Variants in PCDH7 observed in about 807,000 individuals in gnomAD.
PCDH7 encodes the protein protocadherin-7.
A neutral mutation model predicts 58.9 loss-of-function variants in PCDH7; 17 were observed. That is an observed-to-expected ratio of 0.29 (90% confidence interval 0.20 to 0.43). The LOEUF is 0.43. Among genes scored for constraint, PCDH7 ranks in the 20% least tolerant of loss-of-function variants. The pLI is 1.00. For synonymous variants in PCDH7, 664 were observed against 616.4 expected (o/e 1.08, Z -1.14); for missense variants, 1,274 against 1,441.0 (o/e 0.88, Z 1.88).
chr4:30,830,284 T>C (rs1729605004), intron 1 of PCDH7, among the ~76,000 whole-genome samples: 1 of 152,074 alleles, frequency 6.6e-6, no homozygotes, highest in Admixed American at 6.6e-5. Context: ...CCAAAGTTAG[T>C]TTAAAAAAAG....
chr4:30,911,738 T>G (rs1741807650), intron 1 of PCDH7, among the ~76,000 whole-genome samples: 2 of 152,186 alleles, frequency 1.3e-5, no homozygotes. Context: ...GCTAGAGTAG[T>G]TCTTGCATTA....
chr4:31,054,917 C>T (rs1321796075), intron 3 of PCDH7, among the ~76,000 whole-genome samples: 1 of 152,096 alleles, frequency 6.6e-6, no homozygotes, highest in Non-Finnish European at 1.5e-5. Context: ...ATCTATCAAC[C>T]TGCCATAATT....
rs926163893 is a variant in PCDH7, at chr4:30,840,148, A to T, written c.71-80005A>T. ...TATTGGTATGCATTTCTTTTCAGTT[A>T]TTTTTTTTTTAATCTAATGTCCTTA... On this transcript the variant is annotated intron_variant, in intron 1 of 3. Transcript: ENST00000509759. Among the ~76,000 whole-genome samples the T allele has an allele frequency of 6.1e-5, 9 of 148,682 alleles. No homozygotes were observed. The South Asian group carries it at 1.5e-3, about 25-fold the overall frequency.
At chr4:30,801,774 G>A (rs1445751788) in intron 1 of PCDH7, among the ~76,000 whole-genome samples, 3 of 152,242 alleles carry the variant, frequency 2.0e-5, no homozygotes, top group Admixed American at 6.5e-5. Flanking sequence ...AGCTCCAGAG[G>A]GTAGAAGTAA....
At chr4:30,734,515 T>G (rs1177839724), downstream of PCDH7, among the ~76,000 whole-genome samples, 1 of 152,200 alleles carries the variant, frequency 6.6e-6, no homozygotes, top group African/African-American at 2.4e-5. Flanking sequence ...ATTACAGGCT[T>G]GTGCCACTGC....
intron 1 of PCDH7, among the ~76,000 whole-genome samples, chr4:30,747,184 C>A (rs777914678): frequency 6.6e-6 from 1 of 152,156 alleles, no homozygotes; most frequent in Non-Finnish European, 1.5e-5. Context: ...TAATACTGAA[C>A]TGGATCTAAG....
intron 3 of PCDH7, 41 bp from the exon 3 acceptor site, chr4:31,142,432 G>T: frequency 7.5e-7 from 1 of 1,332,196 alleles, no homozygotes; most frequent in South Asian, 1.2e-5. Context: ...AGCCTGTTGA[G>T]GAGTGTCAAA....
intron 2 of PCDH7, among the ~76,000 whole-genome samples, chr4:30,934,647 T>C (rs367852271): frequency 1.3e-5 from 2 of 152,144 alleles, no homozygotes; most frequent in African/African-American, 2.4e-5. Context: ...CTTTTGGAGA[T>C]TAAATAATTC....
At chr4:30,733,513 G>T (rs150592751), downstream of PCDH7, among the ~76,000 whole-genome samples, 2 of 152,030 alleles carry the variant, frequency 1.3e-5, no homozygotes, top group East Asian at 3.9e-4. Flanking sequence ...GGTTGGATTC[G>T]AACCCCTGAC....
At chr4:31,081,243 G>A (rs1170172755) in intron 3 of PCDH7, among the ~76,000 whole-genome samples, 6 of 152,104 alleles carry the variant, frequency 3.9e-5, no homozygotes, top group Non-Finnish European at 8.8e-5. Context: ...ATTTTATTTG[G>A]TTATGTTTTC....
intron 3 of PCDH7, 62 bp from the exon 3 acceptor site, chr4:31,142,411 T>A (rs1352038201): frequency 8.0e-7 from 1 of 1,252,934 alleles, no homozygotes; most frequent in Non-Finnish European, 1.0e-6. Context: ...TAATTTCATA[T>A]AGATCAGGGG....
intron 1 of PCDH7, among the ~76,000 whole-genome samples, chr4:30,770,533 T>C (rs571120482): frequency 5.9e-5 from 9 of 152,220 alleles, no homozygotes; most frequent in Non-Finnish European, 1.2e-4. Context: ...AGCTGGATGA[T>C]AGCTTGTACA....
chr4:30,746,039 G>A (rs1717738256), intron 1 of PCDH7, among the ~76,000 whole-genome samples: 1 of 151,998 alleles, frequency 6.6e-6, no homozygotes, highest in South Asian at 2.1e-4. Flanking sequence ...ATGTTGGCCA[G>A]GCTGGTCTTG....
chr4:31,083,372 T>TGAAAA (rs1303590523), intron 3 of PCDH7, among the ~76,000 whole-genome samples: 1 of 152,166 alleles, frequency 6.6e-6, no homozygotes, highest in Non-Finnish European at 1.5e-5. Context: ...TTTCAAAATA[T>TGAAAA]AGGTATGAAC....
At chr4:30,808,680 CT>C (rs1726581565) in intron 1 of PCDH7, among the ~76,000 whole-genome samples, 1 of 152,128 alleles carries the variant, frequency 6.6e-6, no homozygotes, top group African/African-American at 2.4e-5. Flanking sequence ...GAAATATAGG[CT>C]CACTAATTTC....
At chr4:30,824,127 C>CTTTT (rs1728777066) in intron 1 of PCDH7, among the ~76,000 whole-genome samples, 1 of 144,240 alleles carries the variant, frequency 6.9e-6, no homozygotes, top group African/African-American at 2.6e-5. Flanking sequence ...TTCTTTCTTT[C>CTTTT]TTTCTTTCTT....
chr4:30,954,916 G>C (rs1046634389), intron 3 of PCDH7, among the ~76,000 whole-genome samples: 22 of 152,086 alleles, frequency 1.4e-4, no homozygotes, highest in African/African-American at 5.1e-4. Context: ...AATCTTTAGT[G>C]ATAACATGTG....
chr4:31,117,169 A>G (rs1184225615), intron 3 of PCDH7, among the ~76,000 whole-genome samples: 1 of 152,168 alleles, frequency 6.6e-6, no homozygotes, highest in Non-Finnish European at 1.5e-5. Context: ...GGCATGAGCC[A>G]CCGCTCCCGG....
rs1466203793 is a variant in PCDH7, at chr4:30,833,828, A to G, written c.71-86325A>G. Reference sequence around the variant, plus strand: ...AGACAGAAATTACGCAGATAATCAAATGGAAAATGTCATATAAATGTTGTA... The same window carrying G: ...AGACAGAAATTACGCAGATAATCAAGTGGAAAATGTCATATAAATGTTGTA... On this transcript the variant is annotated intron_variant, in intron 1 of 3. Coordinates refer to the PCDH7 transcript ENST00000509759. Among the ~76,000 whole-genome samples the G allele has an allele frequency of 2.0e-5, 3 of 152,344 alleles. No homozygotes were observed. In the East Asian group the frequency reaches 5.8e-4, roughly 29 times the overall value.
Sources: gnomAD v4.1 joint callset for allele counts (sites outside exome capture counted in the v4.1 genomes callset) on GRCh38, gnomAD v4.1.1 for gene constraint, MANE v1.5 for transcripts, NCBI Gene and HGNC (gene_info 2026-07-23, HGNC 2026-07-21) for gene names.